ARHGAP24: variants seen among roughly 807,000 people sequenced by gnomAD.
ARHGAP24 encodes the protein rho GTPase-activating protein 24.
In ARHGAP24, 50 loss-of-function variants were observed where a neutral mutation model predicts 76.4. That is an observed-to-expected ratio of 0.65 (90% confidence interval 0.52 to 0.83). ARHGAP24 has a LOEUF of 0.83. Ranked by LOEUF, ARHGAP24 falls within the 40% of genes least tolerant of loss-of-function variation. The probability of loss-of-function intolerance (pLI) is 0.00; values close to 1 mark genes in which losing one functional copy is unlikely to be tolerated. For missense variants in ARHGAP24, 930 were observed against 914.2 expected (o/e 1.02, Z -0.22); for synonymous variants, 345 against 323.3 (o/e 1.07, Z -0.72).
intron 2 of ARHGAP24, among the ~76,000 whole-genome samples, chr4:85,638,250 T>G (rs943785823): frequency 1.3e-5 from 2 of 152,186 alleles, no homozygotes; most frequent in Non-Finnish European, 2.9e-5. Context: ...ATACCACATT[T>G]AATGATACTT....
In ARHGAP24 at chr4:85,777,797, A is replaced by G. The variant is rs1026617136; in HGVS notation, c.268+55825A>G. Among the ~76,000 whole-genome samples, 3 of 114,316 alleles carry G rather than the reference A, an allele frequency of 2.6e-5. No individual in the cohort carries two copies. In the South Asian group the frequency reaches 8.0e-4, roughly 31 times the overall value. The allele number at this position is 114,316 out of a possible 152,430, so 75.0% of individuals were successfully genotyped here. ...TAAATAAGTGAATGAATGAATGAAT[A>G]CATTTCAAAAAGGTAATTTTAAAAA... On this transcript the variant is annotated intron_variant, in intron 3 of 9. Coordinates refer to ENST00000395184, the MANE Select transcript of ARHGAP24 (RefSeq NM_001025616.3).
chr4:85,825,329 A>G (rs79449143), intron 3 of ARHGAP24, among the ~76,000 whole-genome samples: 4,554 of 152,300 alleles, frequency 0.03, 102 homozygotes, highest in Non-Finnish European at 0.041. Context: ...CCTGCAGTTC[A>G]GACTCTGCCT....
intron 2 of ARHGAP24, among the ~76,000 whole-genome samples, chr4:85,718,248 T>C (rs1170905974): frequency 6.6e-6 from 1 of 152,108 alleles, no homozygotes; most frequent in Non-Finnish European, 1.5e-5. Flanking sequence ...GCAAGTACTA[T>C]ATAATTCAGC....
chr4:85,636,782 TTC>T (rs1218479594), intron 2 of ARHGAP24, among the ~76,000 whole-genome samples: 1 of 152,038 alleles, frequency 6.6e-6, no homozygotes, highest in Non-Finnish European at 1.5e-5. Context: ...GCCAATTAAT[TTC>T]TCTTTTTTAA....
At chr4:85,698,021 G>A (rs1723934897) in intron 2 of ARHGAP24, among the ~76,000 whole-genome samples, 1 of 152,180 alleles carries the variant, frequency 6.6e-6, no homozygotes, top group South Asian at 2.1e-4. Flanking sequence ...GCAAGATTAA[G>A]CAAGAAGTGT....
At chr4:85,564,785 G>C (rs1338473035) in intron 1 of ARHGAP24, among the ~76,000 whole-genome samples, 1 of 150,796 alleles carries the variant, frequency 6.6e-6, no homozygotes, top group Non-Finnish European at 1.5e-5. Flanking sequence ...GATCTGACAG[G>C]AGATGAGGCT....
chr4:85,981,564 G>A (rs1242304282), intron 8 of ARHGAP24, among the ~76,000 whole-genome samples: 1 of 152,166 alleles, frequency 6.6e-6, no homozygotes, highest in Admixed American at 6.5e-5. Flanking sequence ...TGACTTCACA[G>A]AGCTCAATCT....
At position 85,994,696 on chromosome 4, in the gene ARHGAP24, G is replaced by A. The variant is rs755357696; in HGVS notation, c.1042G>A (p.Glu348Lys). The A allele has an allele frequency of 1.9e-6, 3 of 1,614,114 alleles. No individual in the cohort carries two copies. Among genetic ancestry groups the A allele is most frequent in the African/African-American group, 1.3e-5 (1 of 75,022 alleles). The change falls in exon 9 of 10, where the codon GAA becomes AAA. Residue 348 changes from glutamate to lysine, a missense_variant. Transcript: ENST00000395184. ...KPQDGVSNNN[E>K]IQKKATMGQL... ...CCAAGATGGAGTGAGCAACAACAAT[G>A]AAATTCAGAAGAAAGCCACCATGGG...
intron 3 of ARHGAP24, among the ~76,000 whole-genome samples, chr4:85,767,979 C>A (rs1011850931): frequency 1.3e-5 from 2 of 152,074 alleles, no homozygotes; most frequent in South Asian, 2.1e-4. Flanking sequence ...AATCTTGAGG[C>A]ATTCTGAAAG....
intron 3 of ARHGAP24, among the ~76,000 whole-genome samples, chr4:85,789,561 A>C (rs1243576898): frequency 6.6e-6 from 1 of 152,186 alleles, no homozygotes; most frequent in Non-Finnish European, 1.5e-5. Context: ...ACAGAGTATG[A>C]AGAAAAACTG....
At chr4:85,780,719 C>A (rs1727514001) in intron 3 of ARHGAP24, among the ~76,000 whole-genome samples, 1 of 152,176 alleles carries the variant, frequency 6.6e-6, no homozygotes, top group South Asian at 2.1e-4. Flanking sequence ...CCAAGAGATT[C>A]TCTTATGAGA....
chr4:85,805,246 C>A (rs1157552751), intron 3 of ARHGAP24, among the ~76,000 whole-genome samples: 2 of 152,088 alleles, frequency 1.3e-5, no homozygotes, highest in African/African-American at 2.4e-5. Flanking sequence ...CTCACTGTTT[C>A]CCGCCTCCCA....
Position 85,920,763 on chromosome 4 carries a change from A to T in ARHGAP24, c.269-2885A>T, listed in dbSNP as rs557990371. 1.9e-4 allele frequency among the ~76,000 whole-genome samples: 29 copies of T among 152,360 alleles called. No individual in the cohort carries two copies. The South Asian group carries it at 6.0e-3, about 32-fold the overall frequency. On this transcript the variant is annotated intron_variant, in intron 3 of 9. Coordinates refer to ENST00000395184, the MANE Select transcript of ARHGAP24 (RefSeq NM_001025616.3). The stretch of plus-strand genomic sequence containing the variant: ...AGACATACATGTGGCAAACAATCAT[A>T]TGAAAAAAAGCTCAACATCATTGAT...
At chr4:85,913,708 T>G (rs1050853617) in intron 3 of ARHGAP24, among the ~76,000 whole-genome samples, 1 of 152,198 alleles carries the variant, frequency 6.6e-6, no homozygotes, top group Non-Finnish European at 1.5e-5. Flanking sequence ...ATGAATGCTC[T>G]GCTTTACCTC....
At chr4:85,916,439 G>C (rs1303294281) in intron 3 of ARHGAP24, among the ~76,000 whole-genome samples, 1 of 151,844 alleles carries the variant, frequency 6.6e-6, no homozygotes, top group African/African-American at 2.4e-5. Context: ...GTTAATTTTC[G>C]ACCAGGTGAA....
At chr4:85,993,000 G>T (rs146180310) in intron 8 of ARHGAP24, among the ~76,000 whole-genome samples, 3 of 151,848 alleles carry the variant, frequency 2.0e-5, no homozygotes, top group Non-Finnish European at 4.4e-5. Flanking sequence ...TGATCACATC[G>T]TCTCTGTGCC....
intron 2 of ARHGAP24, among the ~76,000 whole-genome samples, chr4:85,595,730 C>CA (rs1029747300): frequency 2.0e-5 from 3 of 151,814 alleles, no homozygotes; most frequent in Admixed American, 6.6e-5. Flanking sequence ...GACGTAATGA[C>CA]AAAAAAATCC....
chr4:85,808,597 C>T (rs563965248), intron 3 of ARHGAP24, among the ~76,000 whole-genome samples: 83 of 152,288 alleles, frequency 5.5e-4, no homozygotes, highest in African/African-American at 1.8e-3. Context: ...TATCTCCTCT[C>T]TGACTTGACT....
chr4:85,671,182 C>T (rs563072216), intron 2 of ARHGAP24, among the ~76,000 whole-genome samples: 7 of 152,106 alleles, frequency 4.6e-5, no homozygotes, highest in South Asian at 2.1e-4. Flanking sequence ...TTTAATGCCT[C>T]GGTGCCTTTA....
Sources: allele counts gnomAD v4.1 joint callset (sites outside exome capture counted in the v4.1 genomes callset), GRCh38; gene constraint gnomAD v4.1.1; transcripts MANE v1.5; gene names NCBI Gene and HGNC (gene_info 2026-07-23, HGNC 2026-07-21).